CACNA1E: variants seen among roughly 807,000 people sequenced by gnomAD.
CACNA1E encodes the protein voltage-dependent R-type calcium channel subunit alpha-1E.
CACNA1E carries 40 observed loss-of-function variants against 259.2 expected under a neutral mutation model. The observed-to-expected ratio is 0.15, with a 90% CI of 0.12 to 0.20. CACNA1E has a LOEUF of 0.20. Ranked by LOEUF, CACNA1E falls within the 10% of genes least tolerant of loss-of-function variation. CACNA1E has a pLI of 1.00. For missense variants in CACNA1E, 1,874 were observed against 3,040.1 expected, an observed-to-expected ratio of 0.62 and a Z score of 9.02; for synonymous variants, 1,104 against 1,138.5, an observed-to-expected ratio of 0.97 and a Z score of 0.61.
Position 181,717,267 on chromosome 1 carries a change from A to G in CACNA1E, c.1490A>G (p.His497Arg), listed in dbSNP as rs950635481. The stretch of plus-strand genomic sequence containing the variant: ...AACACTGCCTGTGTGGCCATTGTCC[A>G]TCACAACCAGCCCCAGTGGCTCACC... Reference protein sequence around the residue: ...ALNTACVAIVHHNQPQWLTHL... With the variant: ...ALNTACVAIVRHNQPQWLTHL... The change falls in exon 11 of 48, where the codon CAT (histidine) becomes CGT (arginine). Residue 497 changes from histidine to arginine, a missense_variant. By Grantham distance (29) the His-to-Arg change is conservative. Transcript: ENST00000367573. 6.2e-7 allele frequency: 1 copy of G among 1,613,896 alleles called. No homozygotes were observed. The highest frequency in any genetic ancestry group is 8.5e-7 in the Non-Finnish European group (1 of 1,179,890).
chr1:181,683,056 T>A (rs1650147816), intron 7 of CACNA1E, among the ~76,000 whole-genome samples: 1 of 152,104 alleles, frequency 6.6e-6, no homozygotes, highest in Non-Finnish European at 1.5e-5. Flanking sequence ...TTGGAGCCCC[T>A]CCCCTCCCTA....
At chr1:181,557,643 G>T (rs1648876275) in intron 3 of CACNA1E, among the ~76,000 whole-genome samples, 1 of 152,128 alleles carries the variant, frequency 6.6e-6, no homozygotes, top group South Asian at 2.1e-4. Context: ...TTGCTCCCTT[G>T]GCCCAGCATC....
intron 1 of CACNA1E, among the ~76,000 whole-genome samples, chr1:181,493,396 A>G (rs1664482220): frequency 6.6e-6 from 1 of 152,234 alleles, no homozygotes; most frequent in Non-Finnish European, 1.5e-5. Context: ...GCATGAATTC[A>G]ATACAGAAAC....
At chr1:181,320,750 G>C (rs972089992) in intron 1 of CACNA1E, among the ~76,000 whole-genome samples, 1 of 152,184 alleles carries the variant, frequency 6.6e-6, no homozygotes, top group East Asian at 1.9e-4. Context: ...GCTGGTTCCA[G>C]AGTGGGGTAG....
At chr1:181,379,660 A>T (rs1195709408) in intron 1 of CACNA1E, among the ~76,000 whole-genome samples, 1 of 152,102 alleles carries the variant, frequency 6.6e-6, no homozygotes. Context: ...GCTCTCTGGG[A>T]TCTCTTTTAT....
At chr1:181,728,793 T>C in intron 18 of CACNA1E, among the ~76,000 whole-genome samples, 1 of 151,238 alleles carries the variant, frequency 6.6e-6, no homozygotes, top group African/African-American at 2.4e-5. Flanking sequence ...ATGTGTGCCC[T>C]GCACAGATGT....
chr1:181,370,008 T>C (rs1021924164), intron 1 of CACNA1E, among the ~76,000 whole-genome samples: 1 of 152,092 alleles, frequency 6.6e-6, no homozygotes, highest in African/African-American at 2.4e-5. Flanking sequence ...TTTGTGTCCA[T>C]GTGTACTCAA....
intron 1 of CACNA1E, among the ~76,000 whole-genome samples, chr1:181,399,421 T>G (rs2102073619): frequency 6.6e-6 from 1 of 152,350 alleles, no homozygotes; most frequent in African/African-American, 2.4e-5. Context: ...TGGCCACAGG[T>G]GAATGAATTG....
chr1:181,453,401 CAGTAT>C (rs1661277982), intron 2 of CACNA1E, among the ~76,000 whole-genome samples: 1 of 152,158 alleles, frequency 6.6e-6, no homozygotes. Context: ...TGAGCACCTA[CAGTAT>C]AGGTGCAAAG....
chr1:181,544,675 G>T (rs187371880), intron 3 of CACNA1E, among the ~76,000 whole-genome samples: 2 of 152,132 alleles, frequency 1.3e-5, no homozygotes, highest in African/African-American at 4.8e-5. Context: ...CTTCATTCCC[G>T]TGCAGATAAT....
At chr1:181,786,276 T>C (rs1192621789) in intron 43 of CACNA1E, among the ~76,000 whole-genome samples, 1 of 152,178 alleles carries the variant, frequency 6.6e-6, no homozygotes, top group Non-Finnish European at 1.5e-5. Flanking sequence ...ATAGAGACAC[T>C]ATTTGCAGAA....
At chr1:181,332,133 G>C (rs1241471429) in intron 1 of CACNA1E, among the ~76,000 whole-genome samples, 1 of 152,130 alleles carries the variant, frequency 6.6e-6, no homozygotes, top group Non-Finnish European at 1.5e-5. Context: ...CAAATACTAC[G>C]TGTTCTCACT....
At chr1:181,755,156 T>G in intron 27 of CACNA1E, 81 bp from the exon 28 acceptor site, 1 of 1,108,780 alleles carries the variant, frequency 9.0e-7, no homozygotes, top group Non-Finnish European at 1.3e-6. Flanking sequence ...TGGGTAGTGG[T>G]GGTATGGCCC....
At chr1:181,639,451 G>T (rs1186244953) in intron 6 of CACNA1E, among the ~76,000 whole-genome samples, 1 of 152,178 alleles carries the variant, frequency 6.6e-6, no homozygotes, top group Non-Finnish European at 1.5e-5. Flanking sequence ...TGGAGCCTTA[G>T]GGTCTAAGTG....
At chr1:181,390,697 G>C (rs1304426778) in intron 1 of CACNA1E, among the ~76,000 whole-genome samples, 1 of 152,156 alleles carries the variant, frequency 6.6e-6, no homozygotes, top group Non-Finnish European at 1.5e-5. Flanking sequence ...CTGCCAGCTC[G>C]GTGCTTTTGC....
chr1:181,399,850 A>T (rs1353692046), intron 1 of CACNA1E, among the ~76,000 whole-genome samples: 3 of 152,250 alleles, frequency 2.0e-5, no homozygotes, highest in Non-Finnish European at 1.5e-5. Context: ...GTAAAAATAC[A>T]ATTAGTACAA....
At chr1:181,586,628 C>T (rs568575257) in intron 6 of CACNA1E, among the ~76,000 whole-genome samples, 1 of 152,242 alleles carries the variant, frequency 6.6e-6, no homozygotes, top group African/African-American at 2.4e-5. Context: ...AGTGTTTTTC[C>T]TATCATATGA....
At chr1:181,386,063 A>G (rs1424716897) in intron 1 of CACNA1E, among the ~76,000 whole-genome samples, 1 of 152,202 alleles carries the variant, frequency 6.6e-6, no homozygotes, top group Admixed American at 6.5e-5. Flanking sequence ...ACAAAGTGTT[A>G]TTTGTTCATT....
At chr1:181,387,431 G>A (rs1557961601) in intron 1 of CACNA1E, among the ~76,000 whole-genome samples, 1 of 152,240 alleles carries the variant, frequency 6.6e-6, no homozygotes. Flanking sequence ...AGGCATAAAA[G>A]GAAATGTCCT....
Sources: allele counts gnomAD v4.1 joint callset (sites outside exome capture counted in the v4.1 genomes callset), GRCh38; gene constraint gnomAD v4.1.1; transcripts MANE v1.5; gene names NCBI Gene and HGNC (gene_info 2026-07-23, HGNC 2026-07-21).